Variants in OTOGL observed in about 807,000 individuals in gnomAD.
The protein encoded by OTOGL is otogelin-like protein.
In OTOGL, 285 loss-of-function variants were observed where a neutral mutation model predicts 318.5. The ratio of observed to expected loss-of-function variants is 0.89; its 90% confidence interval spans 0.81 to 0.99. OTOGL has a LOEUF of 0.99. Among genes scored for constraint, OTOGL ranks in the 50% least tolerant of loss-of-function variants. OTOGL has a pLI of 0.00. For synonymous variants in OTOGL, 987 were observed against 936.5 expected (o/e 1.05, Z -0.99); for missense variants, 2,899 against 2,845.6 (o/e 1.02, Z -0.43).
chr12:80,272,074 A>G (rs967341875), intron 24 of OTOGL, among the ~76,000 whole-genome samples: 5 of 152,166 alleles, frequency 3.3e-5, no homozygotes, highest in Non-Finnish European at 5.9e-5. Flanking sequence ...ATTTTGAGAA[A>G]GTGACACAAT....
At chr12:80,174,117 A>G (rs1160047932) in intron 1 of OTOGL, among the ~76,000 whole-genome samples, 1 of 152,218 alleles carries the variant, frequency 6.6e-6, no homozygotes, top group Non-Finnish European at 1.5e-5. Flanking sequence ...AATTGTTTAA[A>G]CCATGCTGAT....
intron 37 of OTOGL, among the ~76,000 whole-genome samples, chr12:80,330,362 A>G (rs879524773): frequency 6.6e-6 from 1 of 152,194 alleles, no homozygotes; most frequent in Non-Finnish European, 1.5e-5. Context: ...CCTTCTAGAG[A>G]TGAGGAATTA....
chr12:80,374,436 G>T (rs543245141), intron 57 of OTOGL, among the ~76,000 whole-genome samples: 1 of 152,078 alleles, frequency 6.6e-6, no homozygotes, highest in African/African-American at 2.4e-5. Context: ...GACTTTTAGG[G>T]ATAGTATAAT....
rs191350338 is a variant in OTOGL at position 80,315,316 on chromosome 12, G to C, written c.3634+985G>C. Among the ~76,000 whole-genome samples the C allele has an allele frequency of 8.4e-4, 128 of 152,236 alleles. 1 individual carries two copies. The highest frequency in any genetic ancestry group is 5.8e-3 in the Admixed American group (89 of 15,276). On this transcript the variant is annotated intron_variant, in intron 32 of 58. Transcript: ENST00000547103. ...CATATTACCAGGATAAGAACTTATTGATACAATAATAATGAAAATCTTCTA... is the reference window on the plus strand; with the variant it reads ...CATATTACCAGGATAAGAACTTATTCATACAATAATAATGAAAATCTTCTA...
rs566275335 is a variant in OTOGL, at chr12:80,279,909, A to G, written c.2928+743A>G. On this transcript the variant is annotated intron_variant, in intron 26 of 58. Transcript: ENST00000547103. ...TAAACTAATTTACATTCTCACCAGC[A>G]GCATATAGCAGTGTATAAGCATTCC... Among the ~76,000 whole-genome samples, 3 of 151,824 alleles carry G rather than the reference A, an allele frequency of 2.0e-5. 1 individual carries two copies. The highest frequency in any genetic ancestry group is 7.2e-5 in the African/African-American group (3 of 41,506).
intron 1 of OTOGL, among the ~76,000 whole-genome samples, chr12:80,146,453 G>T (rs531725470): frequency 5.3e-5 from 8 of 151,406 alleles, no homozygotes; most frequent in Admixed American, 2.0e-4. Context: ...TGCTGGATTC[G>T]TTTTGCCAGT....
chr12:80,164,996 G>A (rs574165581), intron 1 of OTOGL, among the ~76,000 whole-genome samples: 5 of 152,150 alleles, frequency 3.3e-5, no homozygotes, highest in African/African-American at 1.2e-4. Flanking sequence ...GAATAGAGAG[G>A]GTATTCCAAG....
chr12:80,286,356 G>A (rs1435737823), intron 26 of OTOGL, among the ~76,000 whole-genome samples: 1 of 151,964 alleles, frequency 6.6e-6, no homozygotes, highest in Non-Finnish European at 1.5e-5. Flanking sequence ...TGTTTCTGCC[G>A]GGTTTTGGTA....
intron 23 of OTOGL, among the ~76,000 whole-genome samples, chr12:80,271,250 G>A (rs145031385): frequency 6.6e-6 from 1 of 152,122 alleles, no homozygotes; most frequent in African/African-American, 2.4e-5. Flanking sequence ...AAAGCTTTCT[G>A]GAAGAATATG....
intron 44 of OTOGL, among the ~76,000 whole-genome samples, chr12:80,342,878 T>TTTTTC (rs556889736): frequency 9.2e-5 from 14 of 152,058 alleles, no homozygotes; most frequent in African/African-American, 2.7e-4. Flanking sequence ...GAGTTTTAGA[T>TTTTTC]TTTTCTTTTC....
In OTOGL at chr12:80,302,139, T is replaced by C. The variant is rs7972481; in HGVS notation, c.3064-495T>C. Among the ~76,000 whole-genome samples, 10,120 of 152,264 alleles carry C rather than the reference T, an allele frequency of 0.066. 1,159 individuals carry two copies. The highest frequency in any genetic ancestry group is 0.23 in the African/African-American group (9,596 of 41,512). ...CCTGAATTGGAAAGGCAATGTCTCC[T>C]ACCAAACTTAATGATTCTGATTTTC... On this transcript the variant is annotated intron_variant, in intron 27 of 58. Transcript: ENST00000547103.
chr12:80,169,619 C>A (rs1874052968), intron 1 of OTOGL, among the ~76,000 whole-genome samples: 1 of 152,276 alleles, frequency 6.6e-6, no homozygotes, highest in Middle Eastern at 3.4e-3. Flanking sequence ...TCACCACAAT[C>A]ACAATAAATC....
intron 7 of OTOGL, among the ~76,000 whole-genome samples, chr12:80,223,284 T>TA (rs1240906694): frequency 1.3e-5 from 2 of 151,914 alleles, no homozygotes; most frequent in African/African-American, 4.8e-5. Flanking sequence ...TATATATATA[T>TA]GGCATATATG....
chr12:80,358,811 T>G, intron 51 of OTOGL, 36 bp downstream of exon 51: 1 of 1,559,648 alleles, frequency 6.4e-7, no homozygotes, highest in Non-Finnish European at 8.7e-7. Flanking sequence ...TTCATTATAA[T>G]AAGTTAATTA....
intron 34 of OTOGL, among the ~76,000 whole-genome samples, chr12:80,323,097 TACACACACAC>T (rs200949284): frequency 0.058 from 7,424 of 127,054 alleles, 326 homozygotes; most frequent in African/African-American, 0.12. Context: ...GAAAACCCAC[TACACACACAC>T]ACACACACAC....
At position 80,236,116 on chromosome 12, in the gene OTOGL, A is replaced by G. The variant is rs1879825700; in HGVS notation, c.818-2735A>G. 2.6e-5 allele frequency among the ~76,000 whole-genome samples: 4 copies of G among 152,314 alleles called. No individual in the cohort carries two copies. The South Asian group carries it at 8.3e-4, about 32-fold the overall frequency. ...CTCTCTGCATTCCAACTCATCCTTC[A>G]GGGATGACTTCACAAAGAAATTAGA... On this transcript the variant is annotated intron_variant, in intron 9 of 58. Transcript: ENST00000547103.
Position 80,270,135 on chromosome 12 carries a change from A to G in OTOGL, c.2499A>G (p.Glu833=), listed in dbSNP as rs1049238299. 4 of 1,605,234 alleles carry G rather than the reference A, an allele frequency of 2.5e-6. No individual in the cohort carries two copies. Among genetic ancestry groups the G allele is most frequent in the Non-Finnish European group, 3.4e-6 (4 of 1,172,762 alleles). Residue 833 remains glutamate (E), a synonymous_variant, in exon 23 of 59, where the codon GAA becomes GAG. Coordinates refer to ENST00000547103, the MANE Select transcript of OTOGL (RefSeq NM_001378609.3). The stretch of plus-strand genomic sequence containing the variant: ...CAAATGGGACTGTGAAATGTGATGA[A>G]TTAGCAACGCCCTCTGCTGGTAAGA... The part of the protein sequence containing the change: ...QCSNGTVKCD[E]LATPSAVHIC...
chr12:80,146,005 A>G (rs1401879111), intron 1 of OTOGL, among the ~76,000 whole-genome samples: 6 of 151,174 alleles, frequency 4.0e-5, no homozygotes, highest in Non-Finnish European at 2.9e-5. Flanking sequence ...ATCTGTAAGC[A>G]GGGACAATTT....
At chr12:80,128,477 C>T (rs1225207912) in intron 1 of OTOGL, among the ~76,000 whole-genome samples, 2 of 152,212 alleles carry the variant, frequency 1.3e-5, no homozygotes, top group Admixed American at 6.5e-5. Flanking sequence ...AGTTAGGGTA[C>T]TCGGGGGTCA....
Sources: allele counts gnomAD v4.1 joint callset (sites outside exome capture counted in the v4.1 genomes callset), GRCh38; gene constraint gnomAD v4.1.1; transcripts MANE v1.5; gene names NCBI Gene and HGNC (gene_info 2026-07-23, HGNC 2026-07-21).